The following CNKSR3 variants were observed in gnomAD, a reference collection of about 807,000 sequenced individuals.
CNKSR3 encodes the protein CNKSR family member 3.
CNKSR3 carries 36 observed loss-of-function variants against 67.7 expected under a neutral mutation model. The observed-to-expected ratio is 0.53, with a 90% confidence interval of 0.41 to 0.70. CNKSR3 has a LOEUF of 0.70. CNKSR3 is among the 30% of genes least tolerant of loss of function. The pLI, the probability that CNKSR3 is intolerant of heterozygous loss-of-function variation, is 0.00. For synonymous variants in CNKSR3, 281 were observed against 271.4 expected (o/e 1.04, Z -0.35); for missense variants, 630 against 695.2 (o/e 0.91, Z 1.05).
At chr6:154,416,011 C>T (rs1409205824) in intron 9 of CNKSR3, among the ~76,000 whole-genome samples, 6 of 152,104 alleles carry the variant, frequency 3.9e-5, no homozygotes, top group African/African-American at 1.2e-4. Flanking sequence ...AGCGTGTGGG[C>T]ACACACCTGT....
chr6:154,437,102 C>A (rs1055688396), intron 4 of CNKSR3, among the ~76,000 whole-genome samples: 44 of 151,960 alleles, frequency 2.9e-4, no homozygotes, highest in African/African-American at 1.0e-3. Context: ...ACAAGGACAC[C>A]AAGAATAAAG....
chr6:154,433,078 C>T (rs536541554), intron 5 of CNKSR3, among the ~76,000 whole-genome samples: 4 of 152,184 alleles, frequency 2.6e-5, no homozygotes, highest in East Asian at 3.8e-4. Context: ...TAAACAGTTA[C>T]AGCACATCCC....
intron 1 of CNKSR3, among the ~76,000 whole-genome samples, chr6:154,494,500 TGTCAAGGAAACA>T (rs1786840531): frequency 6.6e-6 from 1 of 152,126 alleles, no homozygotes. Flanking sequence ...TTAATAGAAC[TGTCAAGGAAACA>T]GAACACGGAG....
intron 1 of CNKSR3, among the ~76,000 whole-genome samples, chr6:154,483,545 C>T (rs933113078): frequency 1.3e-5 from 2 of 152,074 alleles, no homozygotes; most frequent in African/African-American, 4.8e-5. Context: ...CCTCAAGCAA[C>T]TGTCTTTAAA....
intron 2 of CNKSR3, among the ~76,000 whole-genome samples, chr6:154,442,810 G>A (rs1486116671): frequency 2.0e-5 from 3 of 152,020 alleles, no homozygotes; most frequent in Non-Finnish European, 2.9e-5. Flanking sequence ...CGGGCCTCAG[G>A]GACTTTGTTC....
chr6:154,449,386 G>A (rs961651707), intron 2 of CNKSR3, among the ~76,000 whole-genome samples: 7 of 152,098 alleles, frequency 4.6e-5, no homozygotes, highest in Non-Finnish European at 5.9e-5. Context: ...GCAGTGGTGC[G>A]ATCTCTGCTC....
chr6:154,435,906 G>T (rs917592862), intron 4 of CNKSR3, among the ~76,000 whole-genome samples: 7 of 152,254 alleles, frequency 4.6e-5, no homozygotes, highest in Admixed American at 4.6e-4. Context: ...TCTGAGATTT[G>T]CTGAGAATTC....
chr6:154,451,933 C>CTACA (rs1480965067), intron 1 of CNKSR3, among the ~76,000 whole-genome samples: 4 of 151,998 alleles, frequency 2.6e-5, no homozygotes, highest in African/African-American at 9.7e-5. Flanking sequence ...CAGCCTTGAG[C>CTACA]TACAGGTGGC....
chr6:154,426,489 G>A (rs1465856907), intron 7 of CNKSR3, among the ~76,000 whole-genome samples: 1 of 151,990 alleles, frequency 6.6e-6, no homozygotes, highest in Non-Finnish European at 1.5e-5. Flanking sequence ...CCGAGTAGCT[G>A]GGATTACAGA....
intron 4 of CNKSR3, chr6:154,433,884 G>C (rs952405547): frequency 6.0e-6 from 1 of 166,784 alleles, no homozygotes; most frequent in Non-Finnish European, 1.3e-5. Context: ...GTGCCCCCAG[G>C]AACAGACAGC....
rs368857931 is a variant in CNKSR3, at chr6:154,442,201, T to C, written c.306A>G (p.Arg102=). Residue 102 remains arginine (R), a synonymous_variant, in exon 3 of 13, where the codon CGA becomes CGG. Transcript: ENST00000607772. The part of the protein sequence containing the change: ...SHNLQNYISS[R]RKSPAYDGNT... Reference sequence around the variant, plus strand: ...TGCCATCGTAAGCGGGACTTTTCCGTCGGCTACTTATGTAATTCTGTAAAT... The same window carrying C: ...TGCCATCGTAAGCGGGACTTTTCCGCCGGCTACTTATGTAATTCTGTAAAT... The C allele has an allele frequency of 6.2e-7, 1 of 1,614,198 alleles. No homozygotes were observed. Among genetic ancestry groups the C allele is most frequent in the African/African-American group, 1.3e-5 (1 of 75,040 alleles).
chr6:154,410,775 A>T (rs77628310), intron 11 of CNKSR3, among the ~76,000 whole-genome samples, 159 bp downstream of exon 11: 2,700 of 152,228 alleles, frequency 0.018, 52 homozygotes, highest in South Asian at 0.05. Flanking sequence ...CTTGACAGAG[A>T]TGAATAAAGG....
chr6:154,478,807 G>A (rs1185708004), intron 1 of CNKSR3, among the ~76,000 whole-genome samples: 4 of 152,056 alleles, frequency 2.6e-5, no homozygotes, highest in African/African-American at 4.8e-5. Flanking sequence ...CATGTATCAC[G>A]GCACATGAAG....
chr6:154,410,482 T>G (rs747059735), intron 11 of CNKSR3, 50 bp from the exon 12 acceptor site: 1 of 1,268,674 alleles, frequency 7.9e-7, no homozygotes, highest in African/African-American at 1.5e-5. Flanking sequence ...TTCTGGAACT[T>G]TAGTGAACCG....
chr6:154,419,478 C>T (rs1331579888), intron 9 of CNKSR3, among the ~76,000 whole-genome samples: 2 of 152,180 alleles, frequency 1.3e-5, no homozygotes, highest in South Asian at 4.1e-4. Flanking sequence ...GTTGGAATGG[C>T]TACTATCAAA....
At chr6:154,415,231 T>TTTTTTC (rs1161974161) in intron 9 of CNKSR3, among the ~76,000 whole-genome samples, 1 of 135,220 alleles carries the variant, frequency 7.4e-6, no homozygotes, top group African/African-American at 2.8e-5. Context: ...GCTGCCCATT[T>TTTTTTC]TTTTTTTTTT....
chr6:154,478,339 TG>T (rs2114635679), intron 1 of CNKSR3: 1 of 152,954 alleles, frequency 6.5e-6, no homozygotes, highest in African/African-American at 2.4e-5. Context: ...CTATCTGGTC[TG>T]GCCAACTCCT....
intron 1 of CNKSR3, among the ~76,000 whole-genome samples, chr6:154,497,227 T>G (rs893675971): frequency 6.7e-6 from 1 of 149,138 alleles, no homozygotes; most frequent in African/African-American, 2.5e-5. Flanking sequence ...TCTACTAAAG[T>G]TCAAAAAAAA....
chr6:154,416,818 AC>A (rs1785033953), intron 9 of CNKSR3, among the ~76,000 whole-genome samples: 1 of 152,192 alleles, frequency 6.6e-6, no homozygotes, highest in Admixed American at 6.5e-5. Context: ...ACACCTGGTA[AC>A]TAAGCTATAA....
Sources: allele counts gnomAD v4.1 joint callset (sites outside exome capture counted in the v4.1 genomes callset), GRCh38; gene constraint gnomAD v4.1.1; transcripts MANE v1.5; gene names NCBI Gene and HGNC (gene_info 2026-07-23, HGNC 2026-07-21).